Variants in ARHGAP1 observed in about 807,000 individuals in gnomAD.
The protein encoded by ARHGAP1 is rho GTPase-activating protein 1.
ARHGAP1 carries 23 observed loss-of-function variants against 52.2 expected under a neutral mutation model. The ratio of observed to expected loss-of-function variants is 0.44; its 90% confidence interval spans 0.32 to 0.62. The LOEUF (loss-of-function observed/expected upper bound fraction) is 0.62. ARHGAP1 is among the 20% of genes least tolerant of loss of function. The pLI is 0.05. For missense variants in ARHGAP1, 480 were observed against 560.9 expected, an observed-to-expected ratio of 0.86 and a Z score of 1.46; for synonymous variants, 210 against 228.4, an observed-to-expected ratio of 0.92 and a Z score of 0.73.
In ARHGAP1 at chr11:46,696,099, C is replaced by G; in HGVS notation, c.9G>C (p.Pro3=). The change falls in exon 2 of 13, where the codon CCG becomes CCC. Residue 3 remains proline (P), a synonymous_variant. Transcript: ENST00000311956. This position sits in a 1 kb window ranked among gnomAD's most constrained non-coding sequence, Gnocchi z 4.8. MD[P]LSELQDDLTL... The stretch of plus-strand genomic sequence containing the variant: ...TCAGATCATCCTGCAGCTCTGAGAG[C>G]GGATCCATGGCCAAGCCTGTCCCAG... 6.3e-7 allele frequency: 1 copy of G among 1,599,036 alleles called. No homozygotes were observed. Among genetic ancestry groups the G allele is most frequent in the East Asian group, 2.3e-5 (1 of 44,298 alleles).
rs1329692006 is a variant in ARHGAP1 at position 46,695,664 on chromosome 11, C to T, written c.225G>A (p.Val75=). 1 of 1,551,738 alleles carries T rather than the reference C, an allele frequency of 6.4e-7. No homozygotes were observed. The highest frequency in any genetic ancestry group is 8.7e-7 in the Non-Finnish European group (1 of 1,146,990). Residue 75 remains valine (V), a synonymous_variant, in exon 3 of 13, where the codon GTG becomes GTA. Coordinates refer to ENST00000311956, the MANE Select transcript of ARHGAP1 (RefSeq NM_004308.5). The part of the protein sequence containing the change: ...YDIARHQIVE[V]AGDDKYGRKI... Reference sequence around the variant, plus strand: ...AATAGTGTTGGGTGTGCTTACCTGCCACCTCCACGATCTGGTGCCGGGCGA... The same window carrying T: ...AATAGTGTTGGGTGTGCTTACCTGCTACCTCCACGATCTGGTGCCGGGCGA...
At chr11:46,687,312 GCTTGC>G (rs2134486055) in intron 4 of ARHGAP1, 1 of 152,318 alleles carries the variant, frequency 6.6e-6, no homozygotes, top group East Asian at 1.9e-4. Context: ...TGTGGCCCTG[GCTTGC>G]CAGGACTGGC....
chr11:46,696,795 G>C lies in ARHGAP1; in HGVS notation c.-49-639C>G, dbSNP rs1040045278. 3.9e-5 allele frequency among the ~76,000 whole-genome samples: 6 copies of C among 152,340 alleles called. No individual in the cohort carries two copies. Among genetic ancestry groups the C allele is most frequent in the African/African-American group, 1.2e-4 (5 of 41,582 alleles). ...GAGGCAGGAGAATCACTTGAACCCAGGAGGCGGAGGTTGCAGTGAGCCGAG... is the reference window on the plus strand; with the variant it reads ...GAGGCAGGAGAATCACTTGAACCCACGAGGCGGAGGTTGCAGTGAGCCGAG... On this transcript the variant is annotated intron_variant, in intron 1 of 12. Coordinates refer to ENST00000311956, the MANE Select transcript of ARHGAP1 (RefSeq NM_004308.5). The surrounding 1 kb of genome is among the most constrained non-coding windows in gnomAD (Gnocchi z 4.8).
chr11:46,682,873 C>T (rs1033770824), intron 4 of ARHGAP1, among the ~76,000 whole-genome samples: 2 of 152,102 alleles, frequency 1.3e-5, no homozygotes, highest in African/African-American at 4.8e-5. Context: ...TTTTTAGTGT[C>T]TGCCAAGCAC....
chr11:46,691,288 T>G (rs990501464), intron 3 of ARHGAP1, among the ~76,000 whole-genome samples: 2 of 152,018 alleles, frequency 1.3e-5, no homozygotes, highest in Non-Finnish European at 2.9e-5. Flanking sequence ...ATTTCTGTGT[T>G]TGTTCTTCTT....
At chr11:46,698,607 CAA>C (rs57399402) in intron 1 of ARHGAP1, among the ~76,000 whole-genome samples, 679 of 134,058 alleles carry the variant, frequency 5.1e-3, no homozygotes, top group Non-Finnish European at 5.5e-3. Flanking sequence ...AACTCTGTTT[CAA>C]AAAAAAAAAA....
intron 4 of ARHGAP1, 119 bp downstream of exon 4, chr11:46,688,054 G>C: frequency 1.1e-6 from 1 of 901,076 alleles, no homozygotes. Flanking sequence ...TGAGAAGAGG[G>C]AAGGCATTAA....
chr11:46,691,682 C>A (rs1166849670), intron 3 of ARHGAP1, among the ~76,000 whole-genome samples: 2 of 151,980 alleles, frequency 1.3e-5, no homozygotes, highest in Non-Finnish European at 2.9e-5. Context: ...AAACTCCCGA[C>A]CTCAGGTGAT....
At position 46,688,086 on chromosome 11, in the gene ARHGAP1, A is replaced by C. The variant is rs1329575588; in HGVS notation, c.317+87T>G. On this transcript the variant is annotated intron_variant, in intron 4 of 12. Coordinates refer to ENST00000311956, the MANE Select transcript of ARHGAP1 (RefSeq NM_004308.5). ...TTAAGGCAGGTGGCCTAGCACCCAC[A>C]GGCAGGGAGGGACAGTAAAGAACGT... The C allele has an allele frequency of 3.7e-6, 5 of 1,352,706 alleles. No homozygotes were observed. The African/African-American group carries it at 7.2e-5, about 20-fold the overall frequency. The allele number at this position is 1,352,706 out of a possible 1,614,324, so 83.8% of individuals were successfully genotyped here. A position where few individuals can be genotyped will look rare whatever the true frequency, so the allele number is the denominator to read the frequency against.
Position 46,681,364 on chromosome 11 carries a change from G to C in ARHGAP1, c.465C>G (p.Ile155Met). ...TTGGATGCACGATGTACAAGGCCTT[G>C]ATGTTTTTCTTGTACCTGCAGAGAC... Reference protein sequence around the residue: ...REFDRKYKKNIKALYIVHPTM... With the variant: ...REFDRKYKKNMKALYIVHPTM... Residue 155 changes from isoleucine to methionine, a missense_variant, in exon 6 of 13, where the codon ATC becomes ATG. By Grantham distance (10) the Ile-to-Met change is conservative (BLOSUM62 1). Transcript: ENST00000311956. This position sits in a 1 kb window ranked among gnomAD's most constrained non-coding sequence, Gnocchi z 5.7. 1 of 1,612,086 alleles carries C rather than the reference G, an allele frequency of 6.2e-7. No homozygotes were observed. Among genetic ancestry groups the C allele is most frequent in the South Asian group, 1.1e-5 (1 of 91,028 alleles).
In ARHGAP1 at chr11:46,680,487, C is replaced by T. The variant is rs760424122; in HGVS notation, c.820G>A (p.Ala274Thr). The T allele has an allele frequency of 1.8e-5, 29 of 1,613,570 alleles. No homozygotes were observed. The highest frequency in any genetic ancestry group is 4.4e-5 in the South Asian group (4 of 91,084). ...GTGAGGAGGCAGGCCCGGCACTCAC[C>T]GTGGGCCTGTAAGTAGGCAACAGTC... is the stretch of plus-strand genomic sequence containing the variant. The part of the protein sequence containing the change: ...RETVAYLQAH[A>T]LTTEGIFRRS... The change falls in exon 9 of 13, where the codon GCT becomes ACT. Residue 274 changes from alanine (A) to threonine (T), a missense_variant and splice_region_variant. Transcript: ENST00000311956. This position sits in a 1 kb window ranked among gnomAD's most constrained non-coding sequence, Gnocchi z 5.9.
chr11:46,680,200 C>T lies in ARHGAP1; in HGVS notation c.898+5G>A. The T allele has an allele frequency of 6.2e-7, 1 of 1,614,066 alleles. No individual in the cohort carries two copies. Among genetic ancestry groups the T allele is most frequent in the South Asian group, 1.1e-5 (1 of 91,074 alleles). ...ATGGCCCTGCAACAGCCCAGGGCTGCTCACCCATGTTGTACTTCTGCTGCA... is the reference window on the plus strand; with the variant it reads ...ATGGCCCTGCAACAGCCCAGGGCTGTTCACCCATGTTGTACTTCTGCTGCA... On this transcript the variant is annotated splice_donor_5th_base_variant and intron_variant, in intron 10 of 12. Coordinates refer to ENST00000311956, the MANE Select transcript of ARHGAP1 (RefSeq NM_004308.5). This position sits in a 1 kb window ranked among gnomAD's most constrained non-coding sequence, Gnocchi z 5.9.
At position 46,692,909 on chromosome 11, in the gene ARHGAP1, G is replaced by C. The variant is rs182899214; in HGVS notation, c.229+2751C>G. On this transcript the variant is annotated intron_variant, in intron 3 of 12. Transcript: ENST00000311956. ...GCTCTGTTGCCCAGGCTGGAGTGCA[G>C]TGGCACGATCTCCGCTCACTGCAAG... Among the ~76,000 whole-genome samples, 214 of 151,024 alleles carry C rather than the reference G, an allele frequency of 1.4e-3. 1 individual carries two copies. The highest frequency in any genetic ancestry group is 4.5e-3 in the African/African-American group (183 of 41,008).
At chr11:46,682,318 G>T in intron 4 of ARHGAP1, 136 bp from the exon 5 acceptor site, 1 of 1,221,266 alleles carries the variant, frequency 8.2e-7, no homozygotes, top group Non-Finnish European at 1.1e-6. Flanking sequence ...GTCTGTTCTG[G>T]CTCATAATCA....
In ARHGAP1 at chr11:46,681,452, CTTT is replaced by C. The variant is rs56710343; in HGVS notation, c.450-76_450-74del. 4 of 912,790 alleles carry C rather than the reference CTTT, an allele frequency of 4.4e-6. No individual in the cohort carries two copies. The highest frequency in any genetic ancestry group is 6.6e-6 in the Non-Finnish European group (4 of 607,212). 56.5% of individuals were successfully genotyped at this position (912,790 alleles called of 1,614,324 possible). On this transcript the variant is annotated intron_variant, in intron 5 of 12. Coordinates refer to ENST00000311956, the MANE Select transcript of ARHGAP1 (RefSeq NM_004308.5). The surrounding 1 kb of genome is among the most constrained non-coding windows in gnomAD (Gnocchi z 5.7). Reference sequence around the variant, plus strand: ...TGCCACGCTAGGGTCCCAGTGCATACTTTTTTTTTTTGAGACAGAGTCTCCTTC... The same window carrying C: ...TGCCACGCTAGGGTCCCAGTGCATACTTTTTTTTGAGACAGAGTCTCCTTC...
chr11:46,692,543 G>A (rs558905352), intron 3 of ARHGAP1, among the ~76,000 whole-genome samples: 3 of 152,146 alleles, frequency 2.0e-5, no homozygotes, highest in African/African-American at 4.8e-5. Flanking sequence ...GAAGCTGTTG[G>A]GGGGAGGGCT....
rs1048865959 is a variant in ARHGAP1, at chr11:46,678,452, T to G, written c.*585A>C. 3.6e-5 allele frequency: 6 copies of G among 164,442 alleles called. No individual in the cohort carries two copies. The highest frequency in any genetic ancestry group is 2.9e-4 in the Admixed American group (5 of 17,510). 10.2% of individuals were successfully genotyped at this position (164,442 alleles called of 1,614,324 possible). On this transcript the variant is annotated 3_prime_UTR_variant, in exon 13 of 13. Transcript: ENST00000311956. Reference sequence around the variant, plus strand: ...AAGAGGAGGCAGAAAGCAGACACAGTCTCCAGCCCTGTCACTCCTCAGCAG... The same window carrying G: ...AAGAGGAGGCAGAAAGCAGACACAGGCTCCAGCCCTGTCACTCCTCAGCAG...
Position 46,681,067 on chromosome 11 carries a change from G to C in ARHGAP1, c.579C>G (p.Ser193Arg). ...GQKIFYVNYL[S>R]ELSEHVKLEQ... ...CCAGCTTCACGTGCTCGCTCAGCTC[G>C]CTCAGGTAATTCACATAGAAGATCT... Residue 193 changes from serine (S) to arginine (R), a missense_variant, in exon 7 of 13, where the codon AGC becomes AGG. Ser to Arg is a moderately radical substitution (Grantham distance 110). Transcript: ENST00000311956. The surrounding 1 kb of genome is among the most constrained non-coding windows in gnomAD (Gnocchi z 5.7). 6.2e-7 allele frequency: 1 copy of C among 1,614,090 alleles called. No individual in the cohort carries two copies. The highest frequency in any genetic ancestry group is 1.7e-5 in the Admixed American group (1 of 60,018).
At chr11:46,687,174 T>C (rs2064576876) in intron 4 of ARHGAP1, 1 of 152,368 alleles carries the variant, frequency 6.6e-6, no homozygotes. Context: ...GCCAAGCTCT[T>C]GCCCATTCTG....
Sources: gnomAD v4.1 joint callset for allele counts (sites outside exome capture counted in the v4.1 genomes callset) on GRCh38, gnomAD v4.1.1 for gene constraint, Gnocchi (gnomAD v3.1) non-coding constraint, MANE v1.5 for transcripts, NCBI Gene and HGNC (gene_info 2026-07-23, HGNC 2026-07-21) for gene names.